SORCS2: variants seen among roughly 807,000 people sequenced by gnomAD.
SORCS2 encodes sortilin related VPS10 domain containing receptor 2, also known as VPS10 domain-containing receptor SorCS2.
Under a neutral mutation model 141.6 loss-of-function variants are expected in SORCS2, and 100 were observed. That is an observed-to-expected ratio of 0.71 (90% CI 0.60 to 0.83). The LOEUF (loss-of-function observed/expected upper bound fraction) is 0.83. Among genes scored for constraint, SORCS2 ranks in the 40% least tolerant of loss-of-function variants. SORCS2 has a pLI of 0.00. For synonymous variants in SORCS2, 789 were observed against 676.9 expected, an observed-to-expected ratio of 1.17 and a Z score of -2.57; for missense variants, 1,646 against 1,560.2, an observed-to-expected ratio of 1.05 and a Z score of -0.93.
intron 4 of SORCS2, among the ~76,000 whole-genome samples, chr4:7,647,133 G>A (rs1204550675): frequency 1.3e-5 from 2 of 152,216 alleles, no homozygotes; most frequent in African/African-American, 4.8e-5. Flanking sequence ...GACACAGCTT[G>A]CGCAAAGGCC....
chr4:7,632,007 A>T (rs1719927852), intron 3 of SORCS2, among the ~76,000 whole-genome samples: 1 of 152,208 alleles, frequency 6.6e-6, no homozygotes. Context: ...ACATCAGGGG[A>T]GAAAAGCCGT....
At chr4:7,558,629 G>A (rs1714305677) in intron 3 of SORCS2, among the ~76,000 whole-genome samples, 1 of 152,210 alleles carries the variant, frequency 6.6e-6, no homozygotes, top group Non-Finnish European at 1.5e-5. Context: ...GCTGACGTGA[G>A]TGATGTGCCA....
intron 4 of SORCS2, among the ~76,000 whole-genome samples, chr4:7,649,881 G>T (rs750297960): frequency 6.6e-6 from 1 of 152,154 alleles, no homozygotes; most frequent in Non-Finnish European, 1.5e-5. Context: ...GGTGGTGCCC[G>T]TGACAAGGAC....
At chr4:7,504,079 G>A (rs1416053280) in intron 2 of SORCS2, among the ~76,000 whole-genome samples, 3 of 152,178 alleles carry the variant, frequency 2.0e-5, no homozygotes, top group African/African-American at 7.2e-5. Context: ...CCTCACCCTG[G>A]TCACTCACTG....
In SORCS2 at chr4:7,740,271, C is replaced by T. The variant is rs543417423; in HGVS notation, c.*7C>T. 4 of 1,608,508 alleles carry T rather than the reference C, an allele frequency of 2.5e-6. No homozygotes were observed. The South Asian group carries it at 4.4e-5, about 18-fold the overall frequency. On this transcript the variant is annotated 3_prime_UTR_variant, in exon 27 of 27. Transcript: ENST00000507866. ...CAGCTACCTGGTGAGCTGATGCCAC[C>T]CCAGCATCTGTCTTTTCACCCACGG...
At chr4:7,563,383 C>T (rs1049531555) in intron 3 of SORCS2, among the ~76,000 whole-genome samples, 5 of 152,076 alleles carry the variant, frequency 3.3e-5, no homozygotes, top group East Asian at 1.9e-4. Flanking sequence ...AACTGAGGCC[C>T]GGGGGAGTAA....
At chr4:7,454,536 C>CTG (rs1438703633) in intron 2 of SORCS2, among the ~76,000 whole-genome samples, 1 of 120,308 alleles carries the variant, frequency 8.3e-6, no homozygotes, top group Non-Finnish European at 1.7e-5. Flanking sequence ...GGGTCAGCTG[C>CTG]TGTGTTGGGG....
intron 1 of SORCS2, among the ~76,000 whole-genome samples, chr4:7,249,779 A>G (rs919623755): frequency 7.9e-5 from 12 of 152,188 alleles, no homozygotes; most frequent in Non-Finnish European, 1.5e-4. Flanking sequence ...CGGTATTGAC[A>G]TGTGCAGTAT....
intron 1 of SORCS2, among the ~76,000 whole-genome samples, chr4:7,271,493 C>T (rs913318251): frequency 9.9e-5 from 15 of 152,194 alleles, no homozygotes; most frequent in Admixed American, 2.0e-4. Context: ...TATTTTAATC[C>T]CACCTTCACA....
At chr4:7,326,773 G>A (rs1016497994) in intron 1 of SORCS2, among the ~76,000 whole-genome samples, 1 of 152,230 alleles carries the variant, frequency 6.6e-6, no homozygotes, top group Admixed American at 6.5e-5. Context: ...GCCCTGGTCA[G>A]GGGCCAGCCA....
chr4:7,586,783 T>C (rs1057496244), intron 3 of SORCS2, among the ~76,000 whole-genome samples: 5 of 152,230 alleles, frequency 3.3e-5, no homozygotes, highest in African/African-American at 1.2e-4. Context: ...GTGCCACTTT[T>C]ACTCAGATAT....
At chr4:7,573,771 G>C (rs1168051100) in intron 3 of SORCS2, among the ~76,000 whole-genome samples, 1 of 152,188 alleles carries the variant, frequency 6.6e-6, no homozygotes, top group Admixed American at 6.5e-5. Context: ...GCCCCTGCCA[G>C]GCTACTCCCC....
chr4:7,574,648 G>C (rs1387085858), intron 3 of SORCS2, among the ~76,000 whole-genome samples: 1 of 151,822 alleles, frequency 6.6e-6, no homozygotes. Flanking sequence ...AGGAAGGGAG[G>C]GAGAGAGAGG....
intron 3 of SORCS2, among the ~76,000 whole-genome samples, chr4:7,544,547 G>A (rs1173229853): frequency 6.6e-6 from 1 of 152,234 alleles, no homozygotes; most frequent in Admixed American, 6.5e-5. Flanking sequence ...TGTGCCCCCT[G>A]CCATTGCAGA....
At chr4:7,332,298 G>A (rs1232801360) in intron 1 of SORCS2, among the ~76,000 whole-genome samples, 3 of 152,152 alleles carry the variant, frequency 2.0e-5, no homozygotes, top group Admixed American at 2.0e-4. Flanking sequence ...GGCCCTGTCC[G>A]CAGGCTCTGT....
intron 2 of SORCS2, among the ~76,000 whole-genome samples, chr4:7,405,419 T>C (rs2109138637): frequency 9.1e-6 from 1 of 109,656 alleles, no homozygotes; most frequent in South Asian, 2.6e-4. Flanking sequence ...AGGAATTACA[T>C]TGAACCTGTA....
At chr4:7,533,330 G>T (rs748511542) in intron 3 of SORCS2, among the ~76,000 whole-genome samples, 1 of 152,200 alleles carries the variant, frequency 6.6e-6, no homozygotes, top group Non-Finnish European at 1.5e-5. Context: ...TCTTCCTGGG[G>T]TTGCTGTGAT....
At chr4:7,676,007 C>T (rs1216907999) in intron 8 of SORCS2, 43 bp from the exon 9 acceptor site, 1 of 1,548,428 alleles carries the variant, frequency 6.5e-7, no homozygotes. Context: ...TCGTGCAGCC[C>T]CCAGCCTGGC....
intron 12 of SORCS2, among the ~76,000 whole-genome samples, chr4:7,698,140 G>T (rs1353158155): frequency 2.0e-5 from 3 of 152,200 alleles, no homozygotes; most frequent in Non-Finnish European, 4.4e-5. Context: ...TCTTTCCAGG[G>T]GGCGGGGAAC....
Sources: allele counts gnomAD v4.1 joint callset (sites outside exome capture counted in the v4.1 genomes callset), GRCh38; gene constraint gnomAD v4.1.1; transcripts MANE v1.5; gene names NCBI Gene and HGNC (gene_info 2026-07-23, HGNC 2026-07-21).